The following IGF1R variants were observed in gnomAD, a reference collection of about 807,000 sequenced individuals.
The protein encoded by IGF1R is insulin like growth factor 1 receptor.
A neutral mutation model predicts 144.6 loss-of-function variants in IGF1R; 44 were observed. The ratio of observed to expected loss-of-function variants is 0.30; its 90% CI spans 0.24 to 0.39. The LOEUF is 0.39. Ranked by LOEUF, IGF1R falls within the 10% of genes least tolerant of loss-of-function variation. IGF1R has a pLI of 1.00. For missense variants in IGF1R, 1,355 were observed against 1,833.7 expected (o/e 0.74, Z 4.77); for synonymous variants, 795 against 722.8 (o/e 1.10, Z -1.60).
At chr15:98,747,112 A>G (rs73475627) in intron 2 of IGF1R, among the ~76,000 whole-genome samples, 2,054 of 152,172 alleles carry the variant, frequency 0.013, 45 homozygotes, top group African/African-American at 0.047. Context: ...CAAGCCGGCA[A>G]CTCCAGCAAT....
At chr15:98,814,819 C>A (rs999536565) in intron 2 of IGF1R, among the ~76,000 whole-genome samples, 4 of 152,172 alleles carry the variant, frequency 2.6e-5, no homozygotes, top group Non-Finnish European at 5.9e-5. Flanking sequence ...ATAAGCGTGG[C>A]TCTACCTGGG....
intron 15 of IGF1R, among the ~76,000 whole-genome samples, chr15:98,933,128 G>C (rs1324115360): frequency 6.6e-6 from 1 of 152,172 alleles, no homozygotes; most frequent in Non-Finnish European, 1.5e-5. Context: ...CTGGTGGCAG[G>C]TCCCGTCAGG....
At position 98,957,217 on chromosome 15, in the gene IGF1R, G is replaced by A. The variant is rs2017029989; in HGVS notation, c.3879G>A (p.Leu1293=). The A allele has an allele frequency of 6.2e-7, 1 of 1,614,240 alleles. No homozygotes were observed. Among genetic ancestry groups the A allele is most frequent in the Non-Finnish European group, 8.5e-7 (1 of 1,180,044 alleles). ...ACAAGCTGCCCGAGCCGGAGGAGCT[G>A]GACCTGGAGCCAGAGAACATGGAGA... The part of the protein sequence containing the change: ...EENKLPEPEE[L]DLEPENMESV... Residue 1293 remains leucine (L), a synonymous_variant, in exon 21 of 21, where the codon CTG becomes CTA. Transcript: ENST00000650285.
chr15:98,919,588 A>C (rs2015402243), intron 10 of IGF1R, among the ~76,000 whole-genome samples: 2 of 152,188 alleles, frequency 1.3e-5, no homozygotes, highest in South Asian at 4.1e-4. Flanking sequence ...GTTGGGTTCA[A>C]AACAAGTTTC....
intron 2 of IGF1R, among the ~76,000 whole-genome samples, chr15:98,795,742 A>AT (rs1219281943): frequency 6.6e-6 from 1 of 152,042 alleles, no homozygotes; most frequent in Non-Finnish European, 1.5e-5. Flanking sequence ...AATCTCTCTA[A>AT]TTTTTTAATA....
At chr15:98,868,214 G>A (rs1021809506) in intron 2 of IGF1R, among the ~76,000 whole-genome samples, 1 of 149,520 alleles carries the variant, frequency 6.7e-6, no homozygotes, top group Non-Finnish European at 1.5e-5. Flanking sequence ...GAGCGTGGTG[G>A]TGCACACCTG....
intron 1 of IGF1R, among the ~76,000 whole-genome samples, chr15:98,675,826 C>CTTTTTTTTTTTTTTTTTTTTTTTT (rs869068918): frequency 6.5e-5 from 3 of 46,150 alleles, no homozygotes; most frequent in African/African-American, 1.4e-4. Context: ...TTCTTTCTTT[C>CTTTTTTTTTTTTTTTTTTTTTTTT]TTTTTTTTTT....
intron 2 of IGF1R, among the ~76,000 whole-genome samples, chr15:98,801,859 T>C (rs2056371014): frequency 6.6e-6 from 1 of 152,200 alleles, no homozygotes; most frequent in Non-Finnish European, 1.5e-5. Flanking sequence ...AAGCAGGGAC[T>C]CTGAAACACT....
chr15:98,881,506 A>G (rs1274609151), intron 2 of IGF1R, among the ~76,000 whole-genome samples: 1 of 152,202 alleles, frequency 6.6e-6, no homozygotes, highest in Non-Finnish European at 1.5e-5. Flanking sequence ...TATTTTTAGT[A>G]GAGATCGGCT....
intron 19 of IGF1R, among the ~76,000 whole-genome samples, chr15:98,944,437 CATT>C (rs2016478434): frequency 6.6e-6 from 1 of 152,166 alleles, no homozygotes; most frequent in Non-Finnish European, 1.5e-5. Flanking sequence ...AATGCTCAGG[CATT>C]GACAGCGCTT....
intron 2 of IGF1R, among the ~76,000 whole-genome samples, chr15:98,762,640 A>G (rs2055334601): frequency 6.6e-6 from 1 of 151,804 alleles, no homozygotes; most frequent in Non-Finnish European, 1.5e-5. Context: ...AGGCAGGAGA[A>G]TTGCTTGAAC....
At chr15:98,833,338 A>T (rs1371530638) in intron 2 of IGF1R, among the ~76,000 whole-genome samples, 2 of 152,142 alleles carry the variant, frequency 1.3e-5, no homozygotes, top group African/African-American at 4.8e-5. Context: ...CTTGTGATTG[A>T]CCTGGACCCC....
chr15:98,791,683 G>A (rs1412059171), intron 2 of IGF1R, among the ~76,000 whole-genome samples: 2 of 152,190 alleles, frequency 1.3e-5, no homozygotes, highest in East Asian at 1.9e-4. Flanking sequence ...CTATGTGATC[G>A]AAGGATGAAC....
chr15:98,935,571 A>G lies in IGF1R; in HGVS notation c.3297+145A>G. ...CTTACTGCATGCTCAGTTGTAGGTCATTTATGCAAAGGATTTCCCCAACTA... is the reference window on the plus strand; with the variant it reads ...CTTACTGCATGCTCAGTTGTAGGTCGTTTATGCAAAGGATTTCCCCAACTA... On this transcript the variant is annotated intron_variant, in intron 17 of 20. Coordinates refer to ENST00000650285, the MANE Select transcript of IGF1R (RefSeq NM_000875.5). This position sits in a 1 kb window ranked among gnomAD's most constrained non-coding sequence, Gnocchi z 4.2. 1.4e-6 allele frequency: 1 copy of G among 711,536 alleles called. No individual in the cohort carries two copies. Among genetic ancestry groups the G allele is most frequent in the East Asian group, 2.7e-5 (1 of 37,076 alleles). The allele number at this position is 711,536 out of a possible 1,614,324, so 44.1% of individuals were successfully genotyped here.
At chr15:98,755,676 G>A (rs560999125) in intron 2 of IGF1R, among the ~76,000 whole-genome samples, 20 of 114,598 alleles carry the variant, frequency 1.7e-4, no homozygotes, top group Non-Finnish European at 3.3e-4. Flanking sequence ...CCTACATCGT[G>A]CCACTGCACT....
At chr15:98,837,310 C>T (rs1203429547) in intron 2 of IGF1R, among the ~76,000 whole-genome samples, 2 of 152,138 alleles carry the variant, frequency 1.3e-5, no homozygotes, top group African/African-American at 2.4e-5. Context: ...GCAATCTCGG[C>T]TCACTGCAAC....
At chr15:98,925,919 A>C (rs2015698417) in intron 13 of IGF1R, among the ~76,000 whole-genome samples, 1 of 152,058 alleles carries the variant, frequency 6.6e-6, no homozygotes, top group Non-Finnish European at 1.5e-5. Flanking sequence ...AAAGGAAAAA[A>C]AACAAAAAAC....
chr15:98,878,173 C>T (rs1454151343), intron 2 of IGF1R, among the ~76,000 whole-genome samples: 1 of 152,208 alleles, frequency 6.6e-6, no homozygotes, highest in African/African-American at 2.4e-5. Context: ...GCAGCCAAAA[C>T]GACAAAGCTG....
chr15:98,858,179 T>G (rs2011940001), intron 2 of IGF1R, among the ~76,000 whole-genome samples: 1 of 152,234 alleles, frequency 6.6e-6, no homozygotes, highest in African/African-American at 2.4e-5. Flanking sequence ...GCTATGAAAA[T>G]AAACTAGATT....
Sources: gnomAD v4.1 joint callset for allele counts (sites outside exome capture counted in the v4.1 genomes callset) on GRCh38, gnomAD v4.1.1 for gene constraint, Gnocchi (gnomAD v3.1) non-coding constraint, MANE v1.5 for transcripts, NCBI Gene and HGNC (gene_info 2026-07-23, HGNC 2026-07-21) for gene names.